PTP4A2: variants seen among roughly 807,000 people sequenced by gnomAD.
PTP4A2 encodes the protein protein tyrosine phosphatase 4A2, also known as protein tyrosine phosphatase type IVA 2.
A neutral mutation model predicts 22.9 loss-of-function variants in PTP4A2; 2 were observed. The observed-to-expected ratio is 0.09, with a 90% confidence interval of 0.04 to 0.27. PTP4A2 has a LOEUF of 0.27. Among genes scored for constraint, PTP4A2 ranks in the 10% least tolerant of loss-of-function variants. The pLI, the probability that PTP4A2 is intolerant of heterozygous loss-of-function variation, is 1.00. For synonymous variants in PTP4A2, 68 were observed against 69.1 expected (o/e 0.98, Z 0.08); for missense variants, 103 against 205.1 (o/e 0.50, Z 3.04).
At chr1:31,929,873 G>A (rs1348243760) in intron 1 of PTP4A2, among the ~76,000 whole-genome samples, 4 of 152,160 alleles carry the variant, frequency 2.6e-5, no homozygotes, top group Non-Finnish European at 4.4e-5. Flanking sequence ...ACATTGAAAT[G>A]TTTTCTGAGC....
At chr1:31,923,693 T>A (rs1046347692) in intron 1 of PTP4A2, among the ~76,000 whole-genome samples, 1 of 151,986 alleles carries the variant, frequency 6.6e-6, no homozygotes, top group African/African-American at 2.4e-5. Context: ...CAGCTAATAT[T>A]TTTAAAGTAT....
chr1:31,935,875 G>A (rs1198027530), intron 1 of PTP4A2, among the ~76,000 whole-genome samples: 1 of 151,886 alleles, frequency 6.6e-6, no homozygotes, highest in African/African-American at 2.4e-5. Flanking sequence ...GCTCACTGCA[G>A]CCTTGACTTC....
chr1:31,918,861 T>G (rs974342812), intron 2 of PTP4A2, 109 bp downstream of exon 2: 1 of 649,144 alleles, frequency 1.5e-6, no homozygotes, highest in Non-Finnish European at 2.7e-6. Context: ...CAAACCAGGA[T>G]TGGCAGGATG....
chr1:31,920,522 A>G (rs1652092060), intron 1 of PTP4A2, among the ~76,000 whole-genome samples: 1 of 151,408 alleles, frequency 6.6e-6, no homozygotes, highest in Non-Finnish European at 1.5e-5. Context: ...CTAGATACTT[A>G]AAACTTCCAT....
rs1651189213 is a variant in PTP4A2, at chr1:31,906,759, C to CAT, written c.*2092_*2093insAT. 8.1e-6 allele frequency: 1 copy of CAT among 123,540 alleles called. No homozygotes were observed. Among genetic ancestry groups the CAT allele is most frequent in the Non-Finnish European group, 1.7e-5 (1 of 60,224 alleles). The allele number at this position is 123,540 out of a possible 1,614,324, so 7.7% of individuals were successfully genotyped here. A position where few individuals can be genotyped will look rare whatever the true frequency, so the allele number is the denominator to read the frequency against. Reference sequence around the variant, plus strand: ...GTGCACACACACACACACACATACACACACACACACACACACACACACACA... The same window carrying CAT: ...GTGCACACACACACACACACATACACATACACACACACACACACACACACACA... On this transcript the variant is annotated 3_prime_UTR_variant, in exon 6 of 6. Transcript: ENST00000647444.
intron 4 of PTP4A2, chr1:31,911,032 C>T (rs1316897095): frequency 6.6e-6 from 1 of 152,218 alleles, no homozygotes; most frequent in Non-Finnish European, 1.5e-5. Flanking sequence ...ACAACATTAT[C>T]TTCAACCTTC....
At chr1:31,914,082 T>G in intron 3 of PTP4A2, 1 of 376,644 alleles carries the variant, frequency 2.7e-6, no homozygotes, top group Admixed American at 3.3e-5. Flanking sequence ...CATTATTGAC[T>G]GATTGACTGA....
At chr1:31,921,017 T>C (rs1204002143) in intron 1 of PTP4A2, among the ~76,000 whole-genome samples, 1 of 152,226 alleles carries the variant, frequency 6.6e-6, no homozygotes, top group East Asian at 1.9e-4. Flanking sequence ...TGGCCCTCAA[T>C]GATGAGACTA....
intron 3 of PTP4A2, chr1:31,914,269 G>C: frequency 2.2e-6 from 1 of 455,776 alleles, no homozygotes; most frequent in Non-Finnish European, 4.4e-6. Flanking sequence ...GTTTCACCAT[G>C]TTGCCCCACT....
In PTP4A2 at chr1:31,920,536, C is replaced by CT. The variant is rs35696767; in HGVS notation, c.-593-879dup. Among the ~76,000 whole-genome samples the CT allele has an allele frequency of 8.7e-3, 1,127 of 130,230 alleles. 17 individuals carry two copies. The highest frequency in any genetic ancestry group is 0.015 in the African/African-American group (501 of 34,320). The allele number at this position is 130,230 out of a possible 152,430, so 85.4% of individuals were successfully genotyped here. ...ACTAGATACTTAAAACTTCCATGAACTTTTTTTTTTTTTTTTTTTGAGACG... is the reference window on the plus strand; with the variant it reads ...ACTAGATACTTAAAACTTCCATGAACTTTTTTTTTTTTTTTTTTTTGAGACG... On this transcript the variant is annotated intron_variant, in intron 1 of 5. Coordinates refer to ENST00000647444, the MANE Select transcript of PTP4A2 (RefSeq NM_080391.4).
At chr1:31,926,141 A>ATAT (rs1234450029) in intron 1 of PTP4A2, among the ~76,000 whole-genome samples, 1 of 130,578 alleles carries the variant, frequency 7.7e-6, no homozygotes, top group East Asian at 2.1e-4. Flanking sequence ...AAATTAAAAA[A>ATAT]AAAAAAAAAT....
intron 1 of PTP4A2, among the ~76,000 whole-genome samples, chr1:31,937,108 T>G (rs780375098): frequency 1.3e-5 from 2 of 152,130 alleles, no homozygotes; most frequent in Non-Finnish European, 2.9e-5. Flanking sequence ...GTGTAGGATT[T>G]TGGGCAACAG....
chr1:31,922,833 G>A (rs1484711749), intron 1 of PTP4A2, among the ~76,000 whole-genome samples: 1 of 152,114 alleles, frequency 6.6e-6, no homozygotes, highest in East Asian at 1.9e-4. Flanking sequence ...TGCTGCCCAG[G>A]CTGATCTCGA....
chr1:31,926,638 A>C (rs1569633478), intron 1 of PTP4A2, among the ~76,000 whole-genome samples: 1 of 152,210 alleles, frequency 6.6e-6, no homozygotes, highest in Non-Finnish European at 1.5e-5. Context: ...CATTTTCCTC[A>C]AATTCTTTCA....
Position 31,914,340 on chromosome 1 carries a change from CA to C in PTP4A2, c.189+1554del, listed in dbSNP as rs1557862038. 6.6e-6 allele frequency: 3 copies of C among 453,352 alleles called. No individual in the cohort carries two copies. The Admixed American group carries it at 7.1e-5, about 11-fold the overall frequency. 28.1% of individuals were successfully genotyped at this position (453,352 alleles called of 1,614,324 possible). On this transcript the variant is annotated intron_variant, in intron 3 of 5. Transcript: ENST00000647444. ...CCTTGGCCTCCCAGAGTGGTGGGAA[CA>C]GGCATGAGCCACCACACAGGGCCCT...
chr1:31,922,616 TTC>T (rs1198219595), intron 1 of PTP4A2, among the ~76,000 whole-genome samples: 1 of 150,788 alleles, frequency 6.6e-6, no homozygotes, highest in Non-Finnish European at 1.5e-5. Context: ...CTTTCTTTCT[TTC>T]TTTCTTTCTT....
rs1258136803 is a variant in PTP4A2 at position 31,907,509 on chromosome 1, T to C, written c.*1343A>G. 6.6e-6 allele frequency: 1 copy of C among 152,152 alleles called. No homozygotes were observed. Among genetic ancestry groups the C allele is most frequent in the Admixed American group, 6.6e-5 (1 of 15,262 alleles). 9.4% of individuals were successfully genotyped at this position (152,152 alleles called of 1,614,324 possible). A position where few individuals can be genotyped will look rare whatever the true frequency, so the allele number is the denominator to read the frequency against. ...GTTGCACGATGTCTCTCTTCTACCC[T>C]GTTATGGCCTGTGGACACATACTCA... is the stretch of plus-strand genomic sequence containing the variant. On this transcript the variant is annotated 3_prime_UTR_variant, in exon 6 of 6. Transcript: ENST00000647444.
In PTP4A2 at chr1:31,925,507, C is replaced by CAA. The variant is rs1398677329; in HGVS notation, c.-593-5850_-593-5849insTT. Among the ~76,000 whole-genome samples, 9 of 152,310 alleles carry CAA rather than the reference C, an allele frequency of 5.9e-5. No homozygotes were observed. In the South Asian group the frequency reaches 1.2e-3, roughly 21 times the overall value. On this transcript the variant is annotated intron_variant, in intron 1 of 5. Transcript: ENST00000647444. The stretch of plus-strand genomic sequence containing the variant: ...CCGTGGCTCACGCCTATAATCCCAG[C>CAA]ACTTTGGGAGGCCGAGTTGGGCAGA...
In PTP4A2 at chr1:31,908,313, G is replaced by T. The variant is rs1292841845; in HGVS notation, c.*539C>A. ...ACTGCACGCACATCTACAGCAACAA[G>T]GGCTTCTATTCCATCTACAACTTGG... On this transcript the variant is annotated 3_prime_UTR_variant, in exon 6 of 6. Coordinates refer to ENST00000647444, the MANE Select transcript of PTP4A2 (RefSeq NM_080391.4). 2 of 139,656 alleles carry T rather than the reference G, an allele frequency of 1.4e-5. No individual in the cohort carries two copies. The highest frequency in any genetic ancestry group is 3.1e-5 in the Non-Finnish European group (2 of 64,838). The allele number at this position is 139,656 out of a possible 1,614,324, so 8.7% of individuals were successfully genotyped here.
Sources: allele counts gnomAD v4.1 joint callset (sites outside exome capture counted in the v4.1 genomes callset), GRCh38; gene constraint gnomAD v4.1.1; transcripts MANE v1.5; gene names NCBI Gene and HGNC (gene_info 2026-07-23, HGNC 2026-07-21).